Variants in CYP4V2 observed in about 807,000 individuals in gnomAD.
CYP4V2 encodes the protein cytochrome P450 4V2.
In CYP4V2, 55 loss-of-function variants were observed where a neutral mutation model predicts 60.8. That is an observed-to-expected ratio of 0.90 (90% CI 0.73 to 1.13). CYP4V2 has a LOEUF of 1.13. CYP4V2 is among the 50% of genes most tolerant of loss of function. The pLI is 0.00. For synonymous variants in CYP4V2, 239 were observed against 236.8 expected (o/e 1.01, Z -0.08); for missense variants, 675 against 662.9 (o/e 1.02, Z -0.20).
intron 3 of CYP4V2, chr4:186,196,474 A>G: frequency 3.1e-6 from 1 of 321,066 alleles, no homozygotes; most frequent in East Asian, 7.5e-5. Flanking sequence ...TGGTATCTAG[A>G]AACAGGGCTC....
At position 186,197,563 on chromosome 4, in the gene CYP4V2, A is replaced by C. The variant is rs1736188421; in HGVS notation, c.635A>C (p.Gln212Pro). 1.2e-6 allele frequency: 2 copies of C among 1,614,248 alleles called. No individual in the cohort carries two copies. The highest frequency in any genetic ancestry group is 1.7e-6 in the Non-Finnish European group (2 of 1,180,026). ...GCTATGGGGAAGAATATTGGTGCTCAAAGTAATGATGATTCCGAGTATGTC... is the reference window on the plus strand; with the variant it reads ...GCTATGGGGAAGAATATTGGTGCTCCAAGTAATGATGATTCCGAGTATGTC... ...ETAMGKNIGA[Q>P]SNDDSEYVRA... Residue 212 changes from glutamine (Q) to proline (P), a missense_variant, in exon 5 of 11, where the codon CAA becomes CCA. Gln to Pro is a moderately conservative substitution (Grantham distance 76, BLOSUM62 -1). Transcript: ENST00000378802.
chr4:186,194,964 T>C lies in CYP4V2; in HGVS notation c.327+352T>C, dbSNP rs34416159. Among the ~76,000 whole-genome samples, 1,417 of 152,350 alleles carry C rather than the reference T, an allele frequency of 9.3e-3. 10 individuals carry two copies. The highest frequency in any genetic ancestry group is 0.016 in the Non-Finnish European group (1,093 of 68,026). ...CTTCAAAAATATATGACTAATAAAA[T>C]ATGTTTCCCTCAAGTTGCTCAGGGT... On this transcript the variant is annotated intron_variant, in intron 2 of 10. Coordinates refer to ENST00000378802, the MANE Select transcript of CYP4V2 (RefSeq NM_207352.4).
At chr4:186,205,553 C>G (rs1175060771) in intron 8 of CYP4V2, among the ~76,000 whole-genome samples, 1 of 152,114 alleles carries the variant, frequency 6.6e-6, no homozygotes, top group African/African-American at 2.4e-5. Flanking sequence ...GCTACCCAGG[C>G]GAAACAGAGG....
Position 186,208,927 on chromosome 4 carries a change from A to G in CYP4V2, c.1153A>G (p.Ile385Val), listed in dbSNP as rs1307585398. 6.2e-7 allele frequency: 1 copy of G among 1,614,236 alleles called. No homozygotes were observed. Among genetic ancestry groups the G allele is most frequent in the South Asian group, 1.1e-5 (1 of 91,092 alleles). Residue 385 changes from isoleucine (I) to valine (V), a missense_variant, in exon 9 of 11, where the codon ATT becomes GTT. By Grantham distance (29) the Ile-to-Val change is conservative. Coordinates refer to ENST00000378802, the MANE Select transcript of CYP4V2 (RefSeq NM_207352.4). ...GAAACTTCGGTATCTGGAATGTGTTATTAAGGAGACCCTTCGCCTTTTTCC... is the reference window on the plus strand; with the variant it reads ...GAAACTTCGGTATCTGGAATGTGTTGTTAAGGAGACCCTTCGCCTTTTTCC... ...LKKLRYLECV[I>V]KETLRLFPSV...
At chr4:186,196,886 TTCTCTC>T (rs35200327) in intron 3 of CYP4V2, 48 bp from the exon 4 acceptor site, 91 of 1,513,304 alleles carry the variant, frequency 6.0e-5, no homozygotes, top group Admixed American at 1.8e-4. Flanking sequence ...ACTTTTCTCT[TTCTCTC>T]TCTCTCTCTG....
Position 186,210,735 on chromosome 4 carries a change from T to A in CYP4V2, c.*94T>A, listed in dbSNP as rs1736690500. 1 of 1,482,110 alleles carries A rather than the reference T, an allele frequency of 6.7e-7. No homozygotes were observed. Among genetic ancestry groups the A allele is most frequent in the African/African-American group, 1.4e-5 (1 of 71,800 alleles). The allele number at this position is 1,482,110 out of a possible 1,614,324, so 91.8% of individuals were successfully genotyped here. A position where few individuals can be genotyped will look rare whatever the true frequency, so the allele number is the denominator to read the frequency against. The stretch of plus-strand genomic sequence containing the variant: ...TTTACAGATCATGAGTTCAATATGC[T>A]TGAATCCCCTAGACCTAATTTTTCC... On this transcript the variant is annotated 3_prime_UTR_variant, in exon 11 of 11. Coordinates refer to ENST00000378802, the MANE Select transcript of CYP4V2 (RefSeq NM_207352.4).
At chr4:186,204,596 T>A (rs1579971919) in intron 7 of CYP4V2, 1 of 186,136 alleles carries the variant, frequency 5.4e-6, no homozygotes, top group East Asian at 1.3e-4. Context: ...ACAGAAGAAG[T>A]TATTTAACCA....
In CYP4V2 at chr4:186,197,442, A is replaced by T. The variant is rs1174789610; in HGVS notation, c.605-91A>T. The T allele has an allele frequency of 5.6e-6, 7 of 1,242,528 alleles. No individual in the cohort carries two copies. In the Admixed American group the frequency reaches 6.8e-5, roughly 12 times the overall value. 77.0% of individuals were successfully genotyped at this position (1,242,528 alleles called of 1,614,324 possible). A position where few individuals can be genotyped will look rare whatever the true frequency, so the allele number is the denominator to read the frequency against. ...CTGAAATATACAAGGACAAAGCAGG[A>T]TGTACGTCTTTAGTGTCTGCCGCTG... is the stretch of plus-strand genomic sequence containing the variant. On this transcript the variant is annotated intron_variant, in intron 4 of 10. Coordinates refer to ENST00000378802, the MANE Select transcript of CYP4V2 (RefSeq NM_207352.4).
At position 186,204,239 on chromosome 4, in the gene CYP4V2, AGGTGGCGGTGGAGACGCTACGCTGG is replaced by A. The variant is rs879880825; in HGVS notation, c.988-960_988-936del. On this transcript the variant is annotated intron_variant, in intron 7 of 10. Transcript: ENST00000378802. ...GGTGGAGACGTTACGCTGGCGTAAG[AGGTGGCGGTGGAGACGCTACGCTGG>A]CGTAAGACGCGGCGGTGGAGACGCT... 1,533 of 169,974 alleles carry A rather than the reference AGGTGGCGGTGGAGACGCTACGCTGG, an allele frequency of 9.0e-3. 240 individuals are homozygous for A. Among genetic ancestry groups the A allele is most frequent in the African/African-American group, 0.014 (542 of 39,838 alleles). The allele number at this position is 169,974 out of a possible 1,614,324, so 10.5% of individuals were successfully genotyped here.
In CYP4V2 at chr4:186,197,120, T is replaced by C. The variant is rs780963135; in HGVS notation, c.594T>C (p.Asp198=). Residue 198 remains aspartate, a synonymous_variant, in exon 4 of 11, where the codon GAT becomes GAC. Coordinates refer to ENST00000378802, the MANE Select transcript of CYP4V2 (RefSeq NM_207352.4). ...TTTACATCACTCTTTGTGCCTTAGA[T>C]ATCATCTGTGGTGAGTCTCATCGAT... ...CFFYITLCAL[D]IICETAMGKN... is the part of the protein sequence containing the mutation. 3 of 1,613,740 alleles carry C rather than the reference T, an allele frequency of 1.9e-6. No individual in the cohort carries two copies. In the African/African-American group the frequency reaches 4.0e-5, roughly 22 times the overall value.
rs1736168354 is a variant in CYP4V2 at position 186,197,014 on chromosome 4, T to C, written c.488T>C (p.Leu163Ser). Residue 163 changes from leucine to serine, a missense_variant, in exon 4 of 11, where the codon TTA becomes TCA. By Grantham distance (145) the Leu-to-Ser change is moderately radical. Coordinates refer to ENST00000378802, the MANE Select transcript of CYP4V2 (RefSeq NM_207352.4). ...TFHFTILEDF[L>S]DIMNEQANIL... ...CATTTTACCATTCTGGAAGATTTCTTAGATATCATGAATGAACAAGCAAAT... is the reference window on the plus strand; with the variant it reads ...CATTTTACCATTCTGGAAGATTTCTCAGATATCATGAATGAACAAGCAAAT... The C allele has an allele frequency of 1.2e-6, 2 of 1,613,880 alleles. No individual in the cohort carries two copies. Among genetic ancestry groups the C allele is most frequent in the Non-Finnish European group, 1.7e-6 (2 of 1,180,024 alleles).
At chr4:186,196,791 A>G (rs1001904617) in intron 3 of CYP4V2, 149 bp from the exon 4 acceptor site, 4 of 704,026 alleles carry the variant, frequency 5.7e-6, no homozygotes, top group Admixed American at 5.7e-5. Flanking sequence ...CATTCTGCCA[A>G]AAGCATTTGA....
intron 1 of CYP4V2, chr4:186,192,390 GT>G: frequency 2.1e-6 from 1 of 466,460 alleles, no homozygotes; most frequent in Admixed American, 3.0e-5. Flanking sequence ...GCACAGAGCG[GT>G]TTTAAACTGG....
In CYP4V2 at chr4:186,210,737, G is replaced by GAATCC; in HGVS notation, c.*97_*101dup. 3 of 1,458,490 alleles carry GAATCC rather than the reference G, an allele frequency of 2.1e-6. No individual in the cohort carries two copies. The highest frequency in any genetic ancestry group is 2.8e-6 in the Non-Finnish European group (3 of 1,058,362). The allele number at this position is 1,458,490 out of a possible 1,614,324, so 90.3% of individuals were successfully genotyped here. On this transcript the variant is annotated 3_prime_UTR_variant, in exon 11 of 11. Transcript: ENST00000378802. ...TACAGATCATGAGTTCAATATGCTT[G>GAATCC]AATCCCCTAGACCTAATTTTTCCTT...
rs1736618366 is a variant in CYP4V2, at chr4:186,208,964, T to A, written c.1190T>A (p.Leu397Ter). Reference protein sequence around the residue: ...ETLRLFPSVPLFARSVSEDCE... With the variant: ...ETLRLFPSVP Reference sequence around the variant, plus strand: ...CTTCGCCTTTTTCCTTCTGTTCCTTTATTTGCCCGTAGTGTTAGTGAAGAT... The same window carrying A: ...CTTCGCCTTTTTCCTTCTGTTCCTTAATTTGCCCGTAGTGTTAGTGAAGAT... Residue 397 changes from leucine to a stop codon, truncating the protein, a stop_gained, in exon 9 of 11, where the codon TTA (leucine) becomes TAA (stop). Coordinates refer to ENST00000378802, the MANE Select transcript of CYP4V2 (RefSeq NM_207352.4). LOFTEE classifies it high-confidence loss of function. 6.2e-7 allele frequency: 1 copy of A among 1,614,204 alleles called. No homozygotes were observed. The highest frequency in any genetic ancestry group is 8.5e-7 in the Non-Finnish European group (1 of 1,180,024).
rs527802868 is a variant in CYP4V2 at position 186,191,780 on chromosome 4, C to G, written c.-44C>G. ...CCGCCTCGCACCACGCCCCCGCGGG[C>G]CCGCACTTTCCCGGAGTGCACCCCG... On this transcript the variant is annotated 5_prime_UTR_variant, in exon 1 of 11. Coordinates refer to ENST00000378802, the MANE Select transcript of CYP4V2 (RefSeq NM_207352.4). 255 of 1,454,448 alleles carry G rather than the reference C, an allele frequency of 1.8e-4. 1 individual carries two copies. In the African/African-American group the frequency reaches 3.4e-3, roughly 20 times the overall value. 90.1% of individuals were successfully genotyped at this position (1,454,448 alleles called of 1,614,324 possible). A position where few individuals can be genotyped will look rare whatever the true frequency, so the allele number is the denominator to read the frequency against.
At chr4:186,201,389 ATTG>A (rs1331278103) in intron 7 of CYP4V2, 47 bp downstream of exon 7, 7 of 1,589,534 alleles carry the variant, frequency 4.4e-6, no homozygotes, top group East Asian at 2.2e-5. Flanking sequence ...AATTTCAGTT[ATTG>A]TTAGAATCTT....
intron 8 of CYP4V2, among the ~76,000 whole-genome samples, chr4:186,206,201 C>T (rs1366576455): frequency 6.6e-6 from 1 of 152,134 alleles, no homozygotes; most frequent in Non-Finnish European, 1.5e-5. Context: ...CACGCACGTG[C>T]ATGCATGTGT....
Position 186,197,550 on chromosome 4 carries a change from A to T in CYP4V2, c.622A>T (p.Asn208Tyr). Residue 208 changes from asparagine (N) to tyrosine (Y), a missense_variant, in exon 5 of 11, where the codon AAT (asparagine) becomes TAT (tyrosine). Physicochemically the swap from Asn to Tyr is moderately radical, Grantham distance 143. Coordinates refer to ENST00000378802, the MANE Select transcript of CYP4V2 (RefSeq NM_207352.4). Reference protein sequence around the residue: ...DIICETAMGKNIGAQSNDDSE... With the variant: ...DIICETAMGKYIGAQSNDDSE... ...TTTTATAGAAACAGCTATGGGGAAG[A>T]ATATTGGTGCTCAAAGTAATGATGA... 1 of 1,614,230 alleles carries T rather than the reference A, an allele frequency of 6.2e-7. No homozygotes were observed. Among genetic ancestry groups the T allele is most frequent in the Non-Finnish European group, 8.5e-7 (1 of 1,180,030 alleles).
Sources: gnomAD v4.1 joint callset for allele counts (sites outside exome capture counted in the v4.1 genomes callset) on GRCh38, gnomAD v4.1.1 for gene constraint, MANE v1.5 for transcripts, NCBI Gene and HGNC (gene_info 2026-07-23, HGNC 2026-07-21) for gene names.